Variants in TMEM71 observed in about 807,000 individuals in gnomAD.
TMEM71 encodes the protein transmembrane protein 71.
TMEM71 carries 44 observed loss-of-function variants against 38.0 expected under a neutral mutation model. That is an observed-to-expected ratio of 1.16 (90% CI 0.91 to 1.49). TMEM71 has a LOEUF of 1.49. TMEM71 is among the 40% of genes most tolerant of loss of function. The pLI, the probability that TMEM71 is intolerant of heterozygous loss-of-function variation, is 0.00. For synonymous variants in TMEM71, 133 were observed against 122.5 expected, an observed-to-expected ratio of 1.09 and a Z score of -0.56; for missense variants, 367 against 348.6, an observed-to-expected ratio of 1.05 and a Z score of -0.42.
intron 5 of TMEM71, among the ~76,000 whole-genome samples, chr8:132,737,890 G>T (rs1206753430): frequency 4.6e-5 from 7 of 152,094 alleles, no homozygotes; most frequent in Admixed American, 4.6e-4. Flanking sequence ...TTCCTTCTCA[G>T]ATTGGCTTAT....
At chr8:132,770,813 G>A in the TMEM71 span, among the ~76,000 whole-genome samples, 1 of 152,200 alleles carries the variant, frequency 6.6e-6, no homozygotes, top group Admixed American at 6.5e-5. Flanking sequence ...AGGGTAGCTT[G>A]CTAAAATGCA....
chr8:132,741,869 G>A (rs527465398), intron 5 of TMEM71, among the ~76,000 whole-genome samples: 9 of 152,128 alleles, frequency 5.9e-5, no homozygotes, highest in African/African-American at 1.4e-4. Context: ...TAAACTCCCC[G>A]GGGGAAAAGG....
At chr8:132,762,407 G>A (rs747091779), upstream of TMEM71, among the ~76,000 whole-genome samples, 7 of 151,462 alleles carry the variant, frequency 4.6e-5, no homozygotes, top group Non-Finnish European at 8.8e-5. Flanking sequence ...TGACTTATTC[G>A]AGACCCTCTG....
chr8:132,772,520 C>T, the TMEM71 span, among the ~76,000 whole-genome samples: 5 of 152,228 alleles, frequency 3.3e-5, no homozygotes, highest in South Asian at 6.2e-4. Context: ...TGATCCTGAC[C>T]TTTGACTCTA....
At chr8:132,748,710 TTAAG>T (rs2131165386) in intron 4 of TMEM71, among the ~76,000 whole-genome samples, 1 of 152,356 alleles carries the variant, frequency 6.6e-6, no homozygotes, top group East Asian at 1.9e-4. Context: ...CAACTCCTTA[TTAAG>T]TATGTATTAT....
intron 6 of TMEM71, among the ~76,000 whole-genome samples, chr8:132,725,148 C>T (rs1827071785): frequency 6.6e-6 from 1 of 151,884 alleles, no homozygotes; most frequent in African/African-American, 2.4e-5. Context: ...GGTGATTCTC[C>T]CACCTCAGCT....
chr8:132,726,361 G>A (rs1260412385), intron 6 of TMEM71, among the ~76,000 whole-genome samples: 1 of 152,108 alleles, frequency 6.6e-6, no homozygotes, highest in East Asian at 1.9e-4. Flanking sequence ...GTGATGGCCA[G>A]TGAAGTGAAT....
In TMEM71 at chr8:132,751,890, T is replaced by A; in HGVS notation, c.209A>T (p.Asn70Ile). The change falls in exon 4 of 10, where the codon AAT becomes ATT. Residue 70 changes from asparagine to isoleucine, a missense_variant. Physicochemically the swap from Asn to Ile is moderately radical, Grantham distance 149 (BLOSUM62 -3). Coordinates refer to ENST00000677595, the MANE Select transcript of TMEM71 (RefSeq NM_001382403.1). ...GTCTTCAGTCCAAATATAGTAGCCATTGGTGAGGAGTCTGGGACTTCGGCG... is the reference window on the plus strand; with the variant it reads ...GTCTTCAGTCCAAATATAGTAGCCAATGGTGAGGAGTCTGGGACTTCGGCG... ...TCRRSPRLLT[N>I]GYYIWTEDSF... The A allele has an allele frequency of 6.2e-7, 1 of 1,614,032 alleles. No individual in the cohort carries two copies. Among genetic ancestry groups the A allele is most frequent in the Non-Finnish European group, 8.5e-7 (1 of 1,180,032 alleles).
chr8:132,747,386 GT>G (rs1489270487), intron 4 of TMEM71, among the ~76,000 whole-genome samples: 2 of 152,194 alleles, frequency 1.3e-5, no homozygotes, highest in African/African-American at 4.8e-5. Context: ...CTTTCCTAGA[GT>G]TTATTCTATG....
At chr8:132,708,026 T>A (rs1826118035), downstream of TMEM71, among the ~76,000 whole-genome samples, 1 of 152,190 alleles carries the variant, frequency 6.6e-6, no homozygotes, top group Non-Finnish European at 1.5e-5. Context: ...AAATCAAATA[T>A]ATACATGAAA....
At chr8:132,730,247 C>T (rs1425289313) in intron 5 of TMEM71, among the ~76,000 whole-genome samples, 2 of 152,116 alleles carry the variant, frequency 1.3e-5, no homozygotes, top group Non-Finnish European at 2.9e-5. Flanking sequence ...CATGAGTCAC[C>T]ATGCCTGGCC....
intron 3 of TMEM71, among the ~76,000 whole-genome samples, chr8:132,756,217 C>T (rs938431352): frequency 6.6e-6 from 1 of 151,588 alleles, no homozygotes; most frequent in African/African-American, 2.4e-5. Context: ...AAATGGTAGA[C>T]TGCACATGTT....
chr8:132,728,095 T>C (rs562485277), intron 5 of TMEM71, 109 bp from the exon 6 acceptor site: 2 of 801,598 alleles, frequency 2.5e-6, no homozygotes, highest in South Asian at 1.9e-5. Flanking sequence ...ATCACAAAAA[T>C]AGTAATATTG....
chr8:132,757,091 T>C, intron 3 of TMEM71, 143 bp downstream of exon 3: 1 of 379,108 alleles, frequency 2.6e-6, no homozygotes, highest in Non-Finnish European at 5.1e-6. Context: ...GGAGACGGGG[T>C]TTCACCGTGT....
chr8:132,740,348 C>T (rs1827971025), intron 5 of TMEM71, among the ~76,000 whole-genome samples: 1 of 152,206 alleles, frequency 6.6e-6, no homozygotes, highest in Non-Finnish European at 1.5e-5. Flanking sequence ...ATGAGGCCTT[C>T]TCTAACCATT....
intron 5 of TMEM71, among the ~76,000 whole-genome samples, chr8:132,729,924 G>A (rs371138525): frequency 2.0e-5 from 3 of 152,012 alleles, no homozygotes; most frequent in Non-Finnish European, 2.9e-5. Flanking sequence ...AAATGTCTCC[G>A]CCAACACTTT....
chr8:132,722,505 T>G (rs1407117313), intron 6 of TMEM71, among the ~76,000 whole-genome samples: 1 of 152,226 alleles, frequency 6.6e-6, no homozygotes, highest in South Asian at 2.1e-4. Context: ...CACAAAGAGC[T>G]TGTATACGTT....
intron 6 of TMEM71, among the ~76,000 whole-genome samples, chr8:132,724,037 G>A (rs576955765): frequency 3.3e-5 from 5 of 152,164 alleles, no homozygotes; most frequent in African/African-American, 7.2e-5. Flanking sequence ...GGGAGGGGGT[G>A]CAAGAACAGC....
intron 5 of TMEM71, among the ~76,000 whole-genome samples, chr8:132,733,069 T>G (rs1827549238): frequency 6.6e-6 from 1 of 152,236 alleles, no homozygotes; most frequent in Non-Finnish European, 1.5e-5. Context: ...GTCAAAACAC[T>G]CTGTTCTCTG....
Sources: gnomAD v4.1 joint callset for allele counts (sites outside exome capture counted in the v4.1 genomes callset) on GRCh38, gnomAD v4.1.1 for gene constraint, MANE v1.5 for transcripts, NCBI Gene and HGNC (gene_info 2026-07-23, HGNC 2026-07-21) for gene names.